The following LOC400499 variants were observed in gnomAD, a reference collection of about 807,000 sequenced individuals.
chr16:11,483,147 G>T, the LOC400499 span, among the ~76,000 whole-genome samples: 3 of 152,136 alleles, frequency 2.0e-5, no homozygotes, highest in Non-Finnish European at 4.4e-5. Context: ...AAATTAAAAA[G>T]TCTAACCATA....
At chr16:11,527,375 C>A in the LOC400499 span, among the ~76,000 whole-genome samples, 6 of 152,030 alleles carry the variant, frequency 3.9e-5, no homozygotes, top group East Asian at 1.2e-3. Context: ...ATTAGCACCC[C>A]GCCCGACAGA....
chr16:11,488,678 G>A, the LOC400499 span: 1 of 398,880 alleles, frequency 2.5e-6, no homozygotes, highest in Non-Finnish European at 4.4e-6. Flanking sequence ...TGGTTCCAGA[G>A]CAGGACAGGG....
the LOC400499 span, among the ~76,000 whole-genome samples, chr16:11,438,916 G>A: frequency 6.6e-6 from 1 of 152,188 alleles, no homozygotes; most frequent in Admixed American, 6.5e-5. Flanking sequence ...GCAACATAGT[G>A]AGACCCCACC....
chr16:11,392,337 C>A, the LOC400499 span: 1 of 398,918 alleles, frequency 2.5e-6, no homozygotes, highest in East Asian at 3.6e-5. Context: ...CCCAGCAGGC[C>A]CCCCTGGCAG....
the LOC400499 span, among the ~76,000 whole-genome samples, chr16:11,451,579 C>G: frequency 6.8e-6 from 1 of 146,052 alleles, no homozygotes; most frequent in African/African-American, 2.8e-5. Context: ...AACAAACAAA[C>G]AAAAAACCAA....
At chr16:11,426,049 A>C in the LOC400499 span, among the ~76,000 whole-genome samples, 1 of 152,256 alleles carries the variant, frequency 6.6e-6, no homozygotes, top group Admixed American at 6.5e-5. Context: ...AGTCCAATTT[A>C]ATTCACACTA....
the LOC400499 span, among the ~76,000 whole-genome samples, chr16:11,476,205 A>G: frequency 6.6e-6 from 1 of 151,892 alleles, no homozygotes; most frequent in Non-Finnish European, 1.5e-5. Flanking sequence ...GCGAGGAGGG[A>G]GGAGGGAGAT....
chr16:11,431,071 G>C, the LOC400499 span: 1 of 398,948 alleles, frequency 2.5e-6, no homozygotes, highest in Non-Finnish European at 4.4e-6. Context: ...CAGCCTTCCT[G>C]TGAGTGTCAG....
At chr16:11,464,437 G>C in the LOC400499 span, among the ~76,000 whole-genome samples, 18 of 152,326 alleles carry the variant, frequency 1.2e-4, no homozygotes, top group African/African-American at 4.3e-4. Context: ...GAGAACACTA[G>C]TTGTAAATGT....
the LOC400499 span, among the ~76,000 whole-genome samples, chr16:11,453,616 A>G: frequency 5.3e-5 from 8 of 152,150 alleles, no homozygotes; most frequent in African/African-American, 1.4e-4. Context: ...GGGCTAGCAT[A>G]TGAAGTCGAG....
chr16:11,479,198 C>A, the LOC400499 span, among the ~76,000 whole-genome samples: 1 of 152,304 alleles, frequency 6.6e-6, no homozygotes, highest in East Asian at 1.9e-4. Context: ...ACTCCTAGAG[C>A]ATGAACCAAA....
At chr16:11,515,210 C>T in the LOC400499 span, among the ~76,000 whole-genome samples, 1 of 151,878 alleles carries the variant, frequency 6.6e-6, no homozygotes, top group African/African-American at 2.4e-5. Flanking sequence ...ACTTGGGAGG[C>T]TGAGGCAGGA....
At chr16:11,456,856 C>T in the LOC400499 span, 1 of 1,536,168 alleles carries the variant, frequency 6.5e-7, no homozygotes, top group Non-Finnish European at 8.7e-7. Flanking sequence ...AGCCAACACT[C>T]ACCTTCCCAC....
the LOC400499 span, among the ~76,000 whole-genome samples, chr16:11,448,645 C>T: frequency 0.81 from 123,123 of 151,824 alleles, 49,987 homozygotes; most frequent in South Asian, 0.85. Context: ...GAGGATCCTT[C>T]AAGCCCAGAC....
chr16:11,427,744 C>A, the LOC400499 span, among the ~76,000 whole-genome samples: 2 of 152,148 alleles, frequency 1.3e-5, no homozygotes, highest in Non-Finnish European at 2.9e-5. Flanking sequence ...CTGCTCTCAG[C>A]TGAGATGTGC....
At chr16:11,464,665 G>A in the LOC400499 span, among the ~76,000 whole-genome samples, 16 of 152,308 alleles carry the variant, frequency 1.1e-4, no homozygotes, top group African/African-American at 3.8e-4. Flanking sequence ...GGACTTGAAG[G>A]GGGGACCTCC....
the LOC400499 span, among the ~76,000 whole-genome samples, chr16:11,407,855 C>T: frequency 1.3e-5 from 2 of 151,970 alleles, no homozygotes; most frequent in Non-Finnish European, 2.9e-5. Context: ...AATGTGCTAA[C>T]TTCCAGGTTG....
At chr16:11,385,094 G>T in the LOC400499 span, 8 of 1,232,098 alleles carry the variant, frequency 6.5e-6, no homozygotes, top group Non-Finnish European at 2.0e-6. Flanking sequence ...TGGGCAGGAG[G>T]TCTGACCCAC....
chr16:11,491,266 T>A, the LOC400499 span, among the ~76,000 whole-genome samples: 1 of 152,154 alleles, frequency 6.6e-6, no homozygotes, highest in African/African-American at 2.4e-5. Flanking sequence ...TTTTTTGAAT[T>A]TACATCTTTG....
Sources: gnomAD v4.1 joint callset for allele counts (sites outside exome capture counted in the v4.1 genomes callset) on GRCh38, gnomAD v4.1.1 for gene constraint, MANE v1.5 for transcripts.